Variants in MORC3 observed in about 807,000 individuals in gnomAD.
The protein encoded by MORC3 is MORC family CW-type zinc finger protein 3.
Under a neutral mutation model 109.1 loss-of-function variants are expected in MORC3, and 31 were observed. That is an observed-to-expected ratio of 0.28 (90% CI 0.21 to 0.38). The LOEUF (loss-of-function observed/expected upper bound fraction) is 0.38, where lower values mean the gene tolerates loss of function less well. Ranked by LOEUF, MORC3 falls within the 10% of genes least tolerant of loss-of-function variation. MORC3 has a pLI of 1.00. For synonymous variants in MORC3, 395 were observed against 380.7 expected (o/e 1.04, Z -0.44); for missense variants, 867 against 1,135.8 (o/e 0.76, Z 3.40).
chr21:36,366,241 A>G (rs967299788), intron 14 of MORC3, among the ~76,000 whole-genome samples: 4 of 151,284 alleles, frequency 2.6e-5, no homozygotes, highest in Non-Finnish European at 4.4e-5. Context: ...CTTTATGTCC[A>G]TGTGTACCTA....
At chr21:36,328,299 G>C (rs117254218) in intron 1 of MORC3, among the ~76,000 whole-genome samples, 1 of 149,724 alleles carries the variant, frequency 6.7e-6, no homozygotes, top group Admixed American at 6.8e-5. Flanking sequence ...ATAACTATGA[G>C]TGGAACATCT....
intron 5 of MORC3, among the ~76,000 whole-genome samples, chr21:36,340,448 A>G (rs897757134): frequency 6.6e-6 from 1 of 152,024 alleles, no homozygotes; most frequent in African/African-American, 2.4e-5. Context: ...AATCCGTGGC[A>G]ACCTCTAATC....
intron 9 of MORC3, among the ~76,000 whole-genome samples, chr21:36,354,222 A>G: frequency 6.6e-6 from 1 of 152,008 alleles, no homozygotes. Flanking sequence ...CCATGGCACG[A>G]GAAGAGGTGG....
intron 1 of MORC3, among the ~76,000 whole-genome samples, chr21:36,327,330 TGG>T (rs1365543049): frequency 3.4e-5 from 5 of 145,240 alleles, no homozygotes; most frequent in African/African-American, 1.4e-4. Context: ...CTAATTTTTT[TGG>T]CTTTTGGTAG....
chr21:36,371,994 G>T (rs2085874775), intron 15 of MORC3, among the ~76,000 whole-genome samples: 1 of 151,940 alleles, frequency 6.6e-6, no homozygotes, highest in Non-Finnish European at 1.5e-5. Flanking sequence ...TGTATTTTTT[G>T]TAGAGATGGG....
intron 14 of MORC3, among the ~76,000 whole-genome samples, chr21:36,365,735 C>T (rs768972949): frequency 1.6e-4 from 24 of 152,118 alleles, no homozygotes; most frequent in Admixed American, 3.3e-4. Flanking sequence ...CACGCACCAC[C>T]ATGCCTGGCT....
chr21:36,337,546 C>G (rs2085387840), intron 3 of MORC3, among the ~76,000 whole-genome samples, 186 bp from the exon 4 acceptor site: 1 of 151,820 alleles, frequency 6.6e-6, no homozygotes, highest in African/African-American at 2.4e-5. Context: ...CATAAAAAAT[C>G]AACAACAACA....
intron 3 of MORC3, among the ~76,000 whole-genome samples, chr21:36,337,312 C>G (rs1003127349): frequency 7.9e-5 from 12 of 152,158 alleles, no homozygotes; most frequent in Admixed American, 7.9e-4. Context: ...GTAATAAAAC[C>G]TACCACTTTG....
At position 36,338,904 on chromosome 21, in the gene MORC3, C is replaced by T; in HGVS notation, c.591C>T (p.Ile197=). 1 of 1,613,870 alleles carries T rather than the reference C, an allele frequency of 6.2e-7. No individual in the cohort carries two copies. The highest frequency in any genetic ancestry group is 8.5e-7 in the Non-Finnish European group (1 of 1,179,912). ...AIIGKKGTRI[I]IWNLRSYKNA... ...TAGGCAAGAAGGGGACGAGGATCAT[C>T]ATTTGGAATCTTAGAAGGTAAACGT... The change falls in exon 5 of 17, where the codon ATC becomes ATT. Residue 197 remains isoleucine (I), a synonymous_variant. Coordinates refer to ENST00000400485, the MANE Select transcript of MORC3 (RefSeq NM_015358.3).
chr21:36,361,092 G>T (rs1407732996), intron 12 of MORC3, among the ~76,000 whole-genome samples: 4 of 151,250 alleles, frequency 2.6e-5, no homozygotes, highest in Non-Finnish European at 4.4e-5. Context: ...AAAAAAGATA[G>T]TGGAAGTGGG....
intron 1 of MORC3, among the ~76,000 whole-genome samples, chr21:36,325,508 A>C (rs2085238850): frequency 6.6e-6 from 1 of 152,226 alleles, no homozygotes; most frequent in African/African-American, 2.4e-5. Context: ...TTAAAGTTTC[A>C]ATTCAGTAGT....
chr21:36,359,188 C>T (rs913668889), intron 10 of MORC3, among the ~76,000 whole-genome samples: 2 of 152,022 alleles, frequency 1.3e-5, no homozygotes, highest in Non-Finnish European at 2.9e-5. Context: ...ACATAAAGTT[C>T]AGGGCAAGGC....
In MORC3 at chr21:36,345,077, A is replaced by C. The variant is rs748560474; in HGVS notation, c.1005+46A>C. The C allele has an allele frequency of 3.9e-6, 6 of 1,536,278 alleles. No homozygotes were observed. The East Asian group carries it at 1.1e-4, about 29-fold the overall frequency. On this transcript the variant is annotated intron_variant, in intron 8 of 16. Transcript: ENST00000400485. The stretch of plus-strand genomic sequence containing the variant: ...GAAAAGAAAATGTCTATTTTCCACA[A>C]AAGTTAGGATAATATATGCTCTTGA...
intron 6 of MORC3, among the ~76,000 whole-genome samples, 183 bp downstream of exon 6, chr21:36,341,729 A>T (rs1479152981): frequency 6.6e-6 from 1 of 152,174 alleles, no homozygotes; most frequent in African/African-American, 2.4e-5. Flanking sequence ...TCACACACAC[A>T]CACAAATTTA....
intron 1 of MORC3, among the ~76,000 whole-genome samples, chr21:36,326,637 C>G (rs1010348747): frequency 1.3e-5 from 2 of 152,118 alleles, no homozygotes; most frequent in Admixed American, 1.3e-4. Flanking sequence ...GATGCATTCT[C>G]TGAGAATAAG....
intron 1 of MORC3, among the ~76,000 whole-genome samples, chr21:36,324,690 T>C (rs2085229806): frequency 2.6e-5 from 4 of 151,630 alleles, no homozygotes. Flanking sequence ...CTCAAATGTC[T>C]GGAAACAGCC....
chr21:36,345,853 G>A (rs577629881), intron 8 of MORC3, among the ~76,000 whole-genome samples: 13 of 151,568 alleles, frequency 8.6e-5, no homozygotes, highest in African/African-American at 3.1e-4. Flanking sequence ...CACCGCGCCC[G>A]GCTTTATTTT....
At chr21:36,342,072 G>A (rs138865760) in intron 6 of MORC3, among the ~76,000 whole-genome samples, 4,272 of 152,108 alleles carry the variant, frequency 0.028, 80 homozygotes, top group Admixed American at 0.048. Flanking sequence ...TACTAAAAAT[G>A]CAAAAATTAG....
At chr21:36,359,285 T>A (rs2085684563) in intron 10 of MORC3, among the ~76,000 whole-genome samples, 1 of 152,122 alleles carries the variant, frequency 6.6e-6, no homozygotes, top group African/African-American at 2.4e-5. Flanking sequence ...TTTAATCTTT[T>A]GAAGGTAACC....
Sources: allele counts gnomAD v4.1 joint callset (sites outside exome capture counted in the v4.1 genomes callset), GRCh38; gene constraint gnomAD v4.1.1; transcripts MANE v1.5; gene names NCBI Gene and HGNC (gene_info 2026-07-23, HGNC 2026-07-21).